PHF21A: variants seen among roughly 807,000 people sequenced by gnomAD.
PHF21A encodes PHD finger protein 21A, also known as BHC80a.
PHF21A carries 11 observed loss-of-function variants against 82.5 expected under a neutral mutation model. The observed-to-expected ratio is 0.13, with a 90% confidence interval of 0.08 to 0.22. The LOEUF (loss-of-function observed/expected upper bound fraction) is 0.22. PHF21A is among the 10% of genes least tolerant of loss of function. The pLI is 1.00. For synonymous variants in PHF21A, 297 were observed against 302.8 expected, an observed-to-expected ratio of 0.98 and a Z score of 0.20; for missense variants, 579 against 837.8, an observed-to-expected ratio of 0.69 and a Z score of 3.81.
chr11:45,949,536 T>A (rs954093254), intron 12 of PHF21A, 55 bp from the exon 13 acceptor site: 6 of 1,376,790 alleles, frequency 4.4e-6, no homozygotes, highest in African/African-American at 1.4e-5. Flanking sequence ...CCTAAAAAAC[T>A]TAACTTCATT....
intron 1 of PHF21A, among the ~76,000 whole-genome samples, chr11:46,115,064 T>C (rs1320877148): frequency 2.6e-5 from 4 of 152,226 alleles, no homozygotes; most frequent in East Asian, 1.9e-4. Context: ...TTCCAAAGTA[T>C]AGAAAAGAAT....
intron 10 of PHF21A, among the ~76,000 whole-genome samples, chr11:45,957,751 C>CAAA: frequency 4.9e-5 from 3 of 60,894 alleles, no homozygotes; most frequent in African/African-American, 1.2e-4. Flanking sequence ...AAATTCAAAG[C>CAAA]AAAAAAAAAA....
chr11:46,033,082 T>A (rs572454126), intron 6 of PHF21A, among the ~76,000 whole-genome samples: 3 of 152,316 alleles, frequency 2.0e-5, no homozygotes, highest in African/African-American at 7.2e-5. Context: ...GTTTTATTAG[T>A]TTTTATGTAT....
Position 46,121,186 on chromosome 11 carries a change from C to CTCTCTT in PHF21A, c.-489_-488insAAGAGA, listed in dbSNP as rs1171909200. On this transcript the variant is annotated 5_prime_UTR_variant, in exon 1 of 19. Transcript: ENST00000676320. ...CTCTCCTCTCTCTCTCACTCACTCT[C>CTCTCTT]TCTCTCTCTCTCTCTCTGGGCTGTT... The CTCTCTT allele has an allele frequency of 6.8e-6, 1 of 146,294 alleles. No homozygotes were observed. Among genetic ancestry groups the CTCTCTT allele is most frequent in the Non-Finnish European group, 1.5e-5 (1 of 66,112 alleles). The allele number at this position is 146,294 out of a possible 1,614,324, so 9.1% of individuals were successfully genotyped here.
At chr11:46,050,987 G>A (rs751774307) in intron 6 of PHF21A, among the ~76,000 whole-genome samples, 16 of 152,112 alleles carry the variant, frequency 1.1e-4, no homozygotes, top group Non-Finnish European at 2.1e-4. Context: ...AGCAGTCTCC[G>A]AGTTCTCTGT....
chr11:46,067,380 G>A lies in PHF21A; in HGVS notation c.153+9374C>T, dbSNP rs538184225. Among the ~76,000 whole-genome samples, 9 of 152,266 alleles carry A rather than the reference G, an allele frequency of 5.9e-5. No homozygotes were observed. The South Asian group carries it at 8.3e-4, about 14-fold the overall frequency. The stretch of plus-strand genomic sequence containing the variant: ...TGAAGGGTTTTCTGAGGTAAGTGAC[G>A]TAGTAACATTGCAGAAGAGACTTGT... On this transcript the variant is annotated intron_variant, in intron 6 of 18. Coordinates refer to ENST00000676320, the MANE Select transcript of PHF21A (RefSeq NM_001352027.3).
chr11:46,063,425 C>T (rs527252447), intron 6 of PHF21A, among the ~76,000 whole-genome samples: 38 of 152,256 alleles, frequency 2.5e-4, no homozygotes, highest in African/African-American at 8.7e-4. Flanking sequence ...GTCTTTGTCA[C>T]GACTACTTAA....
At chr11:46,115,933 G>A (rs1378826286) in intron 1 of PHF21A, among the ~76,000 whole-genome samples, 1 of 152,044 alleles carries the variant, frequency 6.6e-6, no homozygotes, top group African/African-American at 2.4e-5. Context: ...CACCCTGAGA[G>A]GTTTCATTTT....
At position 46,023,911 on chromosome 11, in the gene PHF21A, G is replaced by A. The variant is rs540048419; in HGVS notation, c.154-43945C>T. ...GCGGAGGTTGCAGTGAGCCAAGATC[G>A]TGCCATTGCACTCCATCCTGGGCGA... On this transcript the variant is annotated intron_variant, in intron 6 of 18. Transcript: ENST00000676320. Among the ~76,000 whole-genome samples, 10 of 152,286 alleles carry A rather than the reference G, an allele frequency of 6.6e-5. No individual in the cohort carries two copies. In the East Asian group the frequency reaches 1.7e-3, roughly 26 times the overall value.
At position 45,931,976 on chromosome 11, in the gene PHF21A, G is replaced by C. The variant is rs879704969; in HGVS notation, c.*1992C>G. ...CCCAGGAGGCTTGTGGGTGGGTGGAGTGGAGTAAATTTCTGGTGCCTGGAG... is the reference window on the plus strand; with the variant it reads ...CCCAGGAGGCTTGTGGGTGGGTGGACTGGAGTAAATTTCTGGTGCCTGGAG... On this transcript the variant is annotated 3_prime_UTR_variant, in exon 19 of 19. Transcript: ENST00000676320. 2 of 152,338 alleles carry C rather than the reference G, an allele frequency of 1.3e-5. No homozygotes were observed. Among genetic ancestry groups the C allele is most frequent in the Admixed American group, 1.3e-4 (2 of 15,290 alleles). 9.4% of individuals were successfully genotyped at this position (152,338 alleles called of 1,614,324 possible).
chr11:46,001,313 T>C (rs1038436814), intron 6 of PHF21A, among the ~76,000 whole-genome samples: 1 of 150,886 alleles, frequency 6.6e-6, no homozygotes, highest in African/African-American at 2.4e-5. Context: ...GGCTCTAAGA[T>C]GTTCTGTCAC....
Position 45,933,230 on chromosome 11 carries a change from C to G in PHF21A, c.*738G>C, listed in dbSNP as rs576294319. On this transcript the variant is annotated 3_prime_UTR_variant, in exon 19 of 19. Coordinates refer to ENST00000676320, the MANE Select transcript of PHF21A (RefSeq NM_001352027.3). ...AGACAGCGGGATAACCACGGAGATG[C>G]GCGACTCACCAAGCAGGGAAGGAAG... 1 of 152,506 alleles carries G rather than the reference C, an allele frequency of 6.6e-6. No individual in the cohort carries two copies. Among genetic ancestry groups the G allele is most frequent in the African/African-American group, 2.4e-5 (1 of 41,406 alleles). The allele number at this position is 152,506 out of a possible 1,614,324, so 9.4% of individuals were successfully genotyped here.
intron 6 of PHF21A, among the ~76,000 whole-genome samples, chr11:45,989,287 A>AAG (rs2094594483): frequency 6.6e-6 from 1 of 152,178 alleles, no homozygotes; most frequent in Non-Finnish European, 1.5e-5. Context: ...AATCTTATTA[A>AAG]AGAGAGAGGT....
intron 6 of PHF21A, among the ~76,000 whole-genome samples, chr11:45,999,736 T>C (rs1348629971): frequency 6.6e-6 from 1 of 152,220 alleles, no homozygotes; most frequent in African/African-American, 2.4e-5. Flanking sequence ...TATTTAGTGA[T>C]GACAAAGCAC....
intron 18 of PHF21A, chr11:45,935,392 CCTCT>C: frequency 2.6e-6 from 2 of 763,618 alleles, no homozygotes; most frequent in Non-Finnish European, 4.2e-6. Flanking sequence ...GACTGAAAAT[CCTCT>C]CTCTGATTAA....
chr11:46,108,565 G>A (rs1593338781), intron 1 of PHF21A, among the ~76,000 whole-genome samples: 1 of 68,376 alleles, frequency 1.5e-5, no homozygotes, highest in South Asian at 5.4e-4. Flanking sequence ...ATGTGTGTGT[G>A]TGTATATATA....
chr11:45,985,912 C>A (rs929181698), intron 6 of PHF21A, among the ~76,000 whole-genome samples: 1 of 152,008 alleles, frequency 6.6e-6, no homozygotes, highest in Non-Finnish European at 1.5e-5. Flanking sequence ...TACAAATAAA[C>A]AAATTGACAA....
intron 6 of PHF21A, among the ~76,000 whole-genome samples, chr11:46,009,173 C>T (rs2095362134): frequency 6.6e-6 from 1 of 151,954 alleles, no homozygotes; most frequent in African/African-American, 2.4e-5. Context: ...AGGGTTTCAC[C>T]ATGATAGCCA....
chr11:45,935,084 T>C lies in PHF21A; in HGVS notation c.1788+552A>G, dbSNP rs1246725750. ...TCCCCCTGCTGCAAATACAACCCTC[T>C]TTCCCACTTGGACAGGCCGGGCTGG... On this transcript the variant is annotated intron_variant, in intron 18 of 18. Coordinates refer to ENST00000676320, the MANE Select transcript of PHF21A (RefSeq NM_001352027.3). 3.9e-6 allele frequency: 5 copies of C among 1,285,312 alleles called. No individual in the cohort carries two copies. In the African/African-American group the frequency reaches 6.1e-5, roughly 16 times the overall value. The allele number at this position is 1,285,312 out of a possible 1,614,324, so 79.6% of individuals were successfully genotyped here. A position where few individuals can be genotyped will look rare whatever the true frequency, so the allele number is the denominator to read the frequency against.
Sources: gnomAD v4.1 joint callset for allele counts (sites outside exome capture counted in the v4.1 genomes callset) on GRCh38, gnomAD v4.1.1 for gene constraint, MANE v1.5 for transcripts, NCBI Gene and HGNC (gene_info 2026-07-23, HGNC 2026-07-21) for gene names.